ADAMTS17: variants seen among roughly 807,000 people sequenced by gnomAD.
ADAMTS17 encodes the protein A disintegrin and metalloproteinase with thrombospondin motifs 17.
In ADAMTS17, 113 loss-of-function variants were observed where a neutral mutation model predicts 141.5. The observed-to-expected ratio is 0.80, with a 90% CI of 0.69 to 0.93. ADAMTS17 has a LOEUF of 0.93. Among genes scored for constraint, ADAMTS17 ranks in the 40% least tolerant of loss-of-function variants. The pLI, the probability that ADAMTS17 is intolerant of heterozygous loss-of-function variation, is 0.00. For missense variants in ADAMTS17, 1,659 were observed against 1,517.9 expected, an observed-to-expected ratio of 1.09 and a Z score of -1.54; for synonymous variants, 768 against 630.6, an observed-to-expected ratio of 1.22 and a Z score of -3.27.
Position 100,051,710 on chromosome 15 carries a change from C to G in ADAMTS17, c.2317G>C (p.Asp773His). 3 of 1,614,186 alleles carry G rather than the reference C, an allele frequency of 1.9e-6. No individual in the cohort carries two copies. The highest frequency in any genetic ancestry group is 2.5e-6 in the Non-Finnish European group (3 of 1,180,034). ...GTGTATTCATAATGAATTCCATAAT[C>G]TTGGTCGTGAAATAACAACACCTGG... Reference protein sequence around the residue: ...HLMVLLFHDQDYGIHYEYTVP... With the variant: ...HLMVLLFHDQHYGIHYEYTVP... Residue 773 changes from aspartate to histidine, a missense_variant, in exon 17 of 22, where the codon GAT (aspartate) becomes CAT (histidine). By Grantham distance (81) the Asp-to-His change is moderately conservative. Coordinates refer to ENST00000268070, the MANE Select transcript of ADAMTS17 (RefSeq NM_139057.4).
chr15:100,333,196 G>A (rs2046107491), intron 2 of ADAMTS17, among the ~76,000 whole-genome samples: 1 of 152,024 alleles, frequency 6.6e-6, no homozygotes, highest in South Asian at 2.1e-4. Context: ...CCATGTTATA[G>A]GACCTTTTCA....
rs142694679 is a variant in ADAMTS17 at position 100,272,927 on chromosome 15, C to A, written c.789+8302G>T. Reference sequence around the variant, plus strand: ...AAAGGCTGCTCAATTTTATCAAATTCTTTTCCTGTATAAATTGGGATGATC... The same window carrying A: ...AAAGGCTGCTCAATTTTATCAAATTATTTTCCTGTATAAATTGGGATGATC... On this transcript the variant is annotated intron_variant, in intron 4 of 21. Transcript: ENST00000268070. 1.2e-3 allele frequency among the ~76,000 whole-genome samples: 189 copies of A among 152,136 alleles called. 1 individual carries two copies. Among genetic ancestry groups the A allele is most frequent in the African/African-American group, 4.3e-3 (179 of 41,534 alleles).
At chr15:100,024,524 G>C (rs375957452) in intron 18 of ADAMTS17, among the ~76,000 whole-genome samples, 2 of 152,130 alleles carry the variant, frequency 1.3e-5, no homozygotes, top group African/African-American at 2.4e-5. Context: ...CCAAAGTGTT[G>C]AGCAACATCA....
At chr15:100,177,285 A>G (rs1228373651) in intron 8 of ADAMTS17, among the ~76,000 whole-genome samples, 1 of 152,244 alleles carries the variant, frequency 6.6e-6, no homozygotes, top group African/African-American at 2.4e-5. Flanking sequence ...AGCACTTAAC[A>G]GCTATACATT....
At chr15:100,203,897 C>CA (rs57951408) in intron 7 of ADAMTS17, among the ~76,000 whole-genome samples, 1,593 of 131,556 alleles carry the variant, frequency 0.012, 15 homozygotes, top group Admixed American at 0.032. Context: ...GACTCTGTCT[C>CA]AAAAAAAAAA....
intron 15 of ADAMTS17, among the ~76,000 whole-genome samples, chr15:100,064,509 T>C (rs535713703): frequency 6.6e-6 from 1 of 152,350 alleles, no homozygotes; most frequent in South Asian, 2.1e-4. Flanking sequence ...TTGCTCTTTG[T>C]TGTATTTTGA....
chr15:100,199,631 G>A (rs963683425), intron 7 of ADAMTS17, among the ~76,000 whole-genome samples: 2 of 152,198 alleles, frequency 1.3e-5, no homozygotes, highest in African/African-American at 4.8e-5. Flanking sequence ...CATCCATCAG[G>A]CATCTAATAC....
At chr15:100,189,024 C>A (rs2040824068) in intron 8 of ADAMTS17, among the ~76,000 whole-genome samples, 1 of 152,222 alleles carries the variant, frequency 6.6e-6, no homozygotes, top group Non-Finnish European at 1.5e-5. Context: ...CCTTGGATGT[C>A]CTTAGCTATA....
intron 3 of ADAMTS17, among the ~76,000 whole-genome samples, chr15:100,281,951 G>A (rs977509460): frequency 6.6e-5 from 10 of 152,090 alleles, no homozygotes; most frequent in Non-Finnish European, 1.5e-4. Flanking sequence ...AAAATCATAC[G>A]ACCCACATCC....
intron 20 of ADAMTS17, among the ~76,000 whole-genome samples, chr15:99,978,311 T>C (rs902845790): frequency 1.3e-5 from 2 of 152,228 alleles, no homozygotes; most frequent in Admixed American, 6.5e-5. Context: ...GTGTCTTTTT[T>C]CACTTTAGAG....
intron 8 of ADAMTS17, among the ~76,000 whole-genome samples, chr15:100,169,884 C>A (rs1567296913): frequency 1.3e-5 from 2 of 152,172 alleles, no homozygotes; most frequent in Non-Finnish European, 2.9e-5. Flanking sequence ...CAGCTTGAAG[C>A]AATGACACCT....
intron 8 of ADAMTS17, among the ~76,000 whole-genome samples, chr15:100,162,362 T>C (rs1033445625): frequency 6.8e-6 from 1 of 147,938 alleles, no homozygotes; most frequent in African/African-American, 2.5e-5. Context: ...TATATAACTA[T>C]ATAGTTATAT....
intron 10 of ADAMTS17, among the ~76,000 whole-genome samples, chr15:100,137,804 C>T (rs1391195584): frequency 6.6e-6 from 1 of 152,160 alleles, no homozygotes; most frequent in Non-Finnish European, 1.5e-5. Flanking sequence ...AACACCAACA[C>T]CCACCCTTTC....
chr15:100,073,723 T>C (rs1319630238), intron 15 of ADAMTS17, among the ~76,000 whole-genome samples: 1 of 124,454 alleles, frequency 8.0e-6, no homozygotes, highest in Non-Finnish European at 1.6e-5. Flanking sequence ...TGAGAACACA[T>C]GGATACAGGA....
chr15:100,319,479 C>T (rs890039091), intron 3 of ADAMTS17, among the ~76,000 whole-genome samples: 15 of 152,150 alleles, frequency 9.9e-5, no homozygotes, highest in Non-Finnish European at 1.9e-4. Flanking sequence ...GGGAGGCCGA[C>T]GCAAGCAGAT....
At chr15:100,157,016 T>C (rs1012482548) in intron 8 of ADAMTS17, among the ~76,000 whole-genome samples, 18 of 152,156 alleles carry the variant, frequency 1.2e-4, no homozygotes, top group African/African-American at 3.9e-4. Context: ...AAACTTACAA[T>C]CATGGCAGAA....
intron 3 of ADAMTS17, among the ~76,000 whole-genome samples, chr15:100,305,216 C>T (rs1168713413): frequency 6.6e-6 from 1 of 152,106 alleles, no homozygotes; most frequent in Non-Finnish European, 1.5e-5. Context: ...TAAAGCTTAT[C>T]TCATCCAGGT....
At chr15:100,261,733 T>G in intron 5 of ADAMTS17, 97 bp from the exon 6 acceptor site, 1 of 1,356,482 alleles carries the variant, frequency 7.4e-7, no homozygotes, top group Non-Finnish European at 1.0e-6. Context: ...AGGCAGTCAC[T>G]CACTGAGACA....
chr15:100,005,725 T>A (rs1257398276), intron 18 of ADAMTS17, among the ~76,000 whole-genome samples: 1 of 152,196 alleles, frequency 6.6e-6, no homozygotes, highest in East Asian at 1.9e-4. Context: ...ACTACCAACC[T>A]GTATTAGTTT....
Sources: allele counts gnomAD v4.1 joint callset (sites outside exome capture counted in the v4.1 genomes callset), GRCh38; gene constraint gnomAD v4.1.1; transcripts MANE v1.5; gene names NCBI Gene and HGNC (gene_info 2026-07-23, HGNC 2026-07-21).